ZDHHC14: variants seen among roughly 807,000 people sequenced by gnomAD.
ZDHHC14 encodes the protein palmitoyltransferase ZDHHC14.
ZDHHC14 carries 16 observed loss-of-function variants against 47.7 expected under a neutral mutation model. The ratio of observed to expected loss-of-function variants is 0.34; its 90% CI spans 0.23 to 0.51. ZDHHC14 has a LOEUF of 0.51. ZDHHC14 is among the 20% of genes least tolerant of loss of function. ZDHHC14 has a pLI of 0.97. For missense variants in ZDHHC14, 515 were observed against 662.5 expected, an observed-to-expected ratio of 0.78 and a Z score of 2.44; for synonymous variants, 293 against 278.9, an observed-to-expected ratio of 1.05 and a Z score of -0.50.
chr6:157,463,852 C>A lies in ZDHHC14; in HGVS notation c.246-78733C>A, dbSNP rs1026050786. Among the ~76,000 whole-genome samples, 2 of 152,022 alleles carry A rather than the reference C, an allele frequency of 1.3e-5. No homozygotes were observed. Among genetic ancestry groups the A allele is most frequent in the Non-Finnish European group, 2.9e-5 (2 of 68,008 alleles). On this transcript the variant is annotated intron_variant, in intron 1 of 8. Transcript: ENST00000359775. This position sits in a 1 kb window ranked among gnomAD's most constrained non-coding sequence, Gnocchi z 4.4. The stretch of plus-strand genomic sequence containing the variant: ...CCAGCCTGGCCAATGTGGTGAAACC[C>A]CATCTCTACAAAAAATACAAAAATT...
At chr6:157,626,036 T>C (rs1190003048) in intron 3 of ZDHHC14, among the ~76,000 whole-genome samples, 1 of 152,168 alleles carries the variant, frequency 6.6e-6, no homozygotes, top group Non-Finnish European at 1.5e-5. Context: ...GTGTCACAGC[T>C]TAGCTGTTAT....
chr6:157,644,141 C>T (rs902471164), intron 5 of ZDHHC14, among the ~76,000 whole-genome samples: 7 of 152,188 alleles, frequency 4.6e-5, no homozygotes, highest in Non-Finnish European at 7.3e-5. Flanking sequence ...CACTGGCTCC[C>T]GCATTGTGTT....
At chr6:157,412,486 T>C (rs1475456866) in intron 1 of ZDHHC14, among the ~76,000 whole-genome samples, 1 of 151,822 alleles carries the variant, frequency 6.6e-6, no homozygotes, top group South Asian at 2.1e-4. Flanking sequence ...AGAGGCAGGG[T>C]TTCACCATCT....
intron 2 of ZDHHC14, among the ~76,000 whole-genome samples, chr6:157,557,194 AC>A (rs1226025270): frequency 6.6e-6 from 1 of 152,218 alleles, no homozygotes; most frequent in Non-Finnish European, 1.5e-5. Context: ...CGGGCCTAGC[AC>A]AGCCTCTCGC....
intron 1 of ZDHHC14, among the ~76,000 whole-genome samples, chr6:157,472,137 G>A (rs1779369294): frequency 6.6e-6 from 1 of 152,130 alleles, no homozygotes; most frequent in Admixed American, 6.5e-5. Flanking sequence ...CCTGTCTCCC[G>A]TCAGGATGTC....
chr6:157,527,671 G>A (rs1000343891), intron 1 of ZDHHC14, among the ~76,000 whole-genome samples: 2 of 152,136 alleles, frequency 1.3e-5, no homozygotes, highest in Admixed American at 1.3e-4. Flanking sequence ...TTGCTTGGTG[G>A]ACCTCTGCTT....
At chr6:157,545,361 C>A (rs141759535) in intron 2 of ZDHHC14, among the ~76,000 whole-genome samples, 2 of 151,152 alleles carry the variant, frequency 1.3e-5, no homozygotes, top group Non-Finnish European at 2.9e-5. Flanking sequence ...ATAAATTATA[C>A]CTCTATGAAG....
chr6:157,643,492 A>G, intron 5 of ZDHHC14, among the ~76,000 whole-genome samples: 1 of 151,426 alleles, frequency 6.6e-6, no homozygotes, highest in Non-Finnish European at 1.5e-5. Context: ...TACTAAAAAT[A>G]CAAAACTTAG....
intron 1 of ZDHHC14, among the ~76,000 whole-genome samples, chr6:157,521,206 G>A (rs773614261): frequency 6.6e-6 from 1 of 152,158 alleles, no homozygotes; most frequent in Non-Finnish European, 1.5e-5. Flanking sequence ...ACACTGGTTC[G>A]ATCTTTTCTT....
chr6:157,636,230 C>T (rs1224476214), intron 5 of ZDHHC14, among the ~76,000 whole-genome samples: 2 of 151,836 alleles, frequency 1.3e-5, no homozygotes, highest in Admixed American at 6.6e-5. Context: ...CGCTGTCTAT[C>T]CTTAGATGTG....
At chr6:157,468,192 G>T (rs1369480327) in intron 1 of ZDHHC14, among the ~76,000 whole-genome samples, 1 of 152,198 alleles carries the variant, frequency 6.6e-6, no homozygotes, top group Non-Finnish European at 1.5e-5. Context: ...CAGGCAGCAA[G>T]CTTCACTGGA....
chr6:157,496,082 T>G (rs1583708276), intron 1 of ZDHHC14, among the ~76,000 whole-genome samples: 1 of 152,210 alleles, frequency 6.6e-6, no homozygotes, highest in Admixed American at 6.5e-5. Context: ...CAATTCCACA[T>G]GTTTTGTGGC....
intron 1 of ZDHHC14, among the ~76,000 whole-genome samples, chr6:157,466,370 C>CT (rs1275287550): frequency 1.3e-5 from 2 of 152,196 alleles, no homozygotes; most frequent in African/African-American, 4.8e-5. Flanking sequence ...CAGCCCATAC[C>CT]TGCGTCCCTG....
At chr6:157,573,878 G>A (rs1783195559) in intron 2 of ZDHHC14, among the ~76,000 whole-genome samples, 1 of 152,032 alleles carries the variant, frequency 6.6e-6, no homozygotes, top group Non-Finnish European at 1.5e-5. Flanking sequence ...GTGCCCATGG[G>A]CCTTGGTGGG....
At chr6:157,590,053 G>A (rs1023717575) in intron 2 of ZDHHC14, among the ~76,000 whole-genome samples, 1 of 152,198 alleles carries the variant, frequency 6.6e-6, no homozygotes, top group Admixed American at 6.5e-5. Flanking sequence ...ATTTTGCCCT[G>A]CCCTAGAGAT....
At chr6:157,545,223 A>G (rs1184848582) in intron 2 of ZDHHC14, among the ~76,000 whole-genome samples, 3 of 145,128 alleles carry the variant, frequency 2.1e-5, no homozygotes, top group South Asian at 2.3e-4. Flanking sequence ...TTAACTGCAC[A>G]TGACATGAGG....
At chr6:157,624,487 T>A (rs1420186548) in intron 3 of ZDHHC14, among the ~76,000 whole-genome samples, 1 of 152,246 alleles carries the variant, frequency 6.6e-6, no homozygotes, top group Admixed American at 6.5e-5. Flanking sequence ...AATTGTGTCC[T>A]CACCAAATAA....
At chr6:157,440,351 G>A (rs2114791179) in intron 1 of ZDHHC14, among the ~76,000 whole-genome samples, 1 of 152,120 alleles carries the variant, frequency 6.6e-6, no homozygotes, top group East Asian at 1.9e-4. Flanking sequence ...AAACCACCCT[G>A]AGATACCTCT....
chr6:157,658,517 A>C (rs1184528789), intron 8 of ZDHHC14, among the ~76,000 whole-genome samples: 1 of 152,036 alleles, frequency 6.6e-6, no homozygotes, highest in Non-Finnish European at 1.5e-5. Context: ...ACAGCCCCCA[A>C]ACTGACTAAG....
Sources: allele counts gnomAD v4.1 joint callset (sites outside exome capture counted in the v4.1 genomes callset), GRCh38; gene constraint gnomAD v4.1.1; non-coding constraint Gnocchi (gnomAD v3.1); transcripts MANE v1.5; gene names NCBI Gene and HGNC (gene_info 2026-07-23, HGNC 2026-07-21).